Variants in TOX3 observed in about 807,000 individuals in gnomAD.
TOX3 encodes the protein TOX high mobility group box family member 3.
In TOX3, 22 loss-of-function variants were observed where a neutral mutation model predicts 64.3. That is an observed-to-expected ratio of 0.34 (90% confidence interval 0.24 to 0.49). The LOEUF is 0.49. Ranked by LOEUF, TOX3 falls within the 20% of genes least tolerant of loss-of-function variation. The probability of loss-of-function intolerance (pLI) is 0.99; values close to 1 mark genes in which losing one functional copy is unlikely to be tolerated. For missense variants in TOX3, 661 were observed against 714.4 expected, an observed-to-expected ratio of 0.93 and a Z score of 0.85; for synonymous variants, 291 against 273.6, an observed-to-expected ratio of 1.06 and a Z score of -0.63.
intron 1 of TOX3, among the ~76,000 whole-genome samples, chr16:52,477,840 T>G (rs1961258264): frequency 6.6e-6 from 1 of 152,098 alleles, no homozygotes; most frequent in Admixed American, 6.5e-5. Flanking sequence ...TTTTCAGAAA[T>G]GTTTAATTTT....
At chr16:52,517,636 G>C (rs1962493186) in intron 1 of TOX3, among the ~76,000 whole-genome samples, 1 of 152,030 alleles carries the variant, frequency 6.6e-6, no homozygotes, top group South Asian at 2.1e-4. Flanking sequence ...CCTACACATT[G>C]AGTATTAAAA....
chr16:52,517,736 A>C (rs1221478093), intron 1 of TOX3, among the ~76,000 whole-genome samples: 4 of 152,060 alleles, frequency 2.6e-5, no homozygotes, highest in Non-Finnish European at 4.4e-5. Flanking sequence ...CACCAAGGTC[A>C]CTCTGAAAGT....
chr16:52,489,720 C>T (rs1961624183), intron 1 of TOX3, among the ~76,000 whole-genome samples: 1 of 152,114 alleles, frequency 6.6e-6, no homozygotes, highest in Non-Finnish European at 1.5e-5. Context: ...TGACTTACTA[C>T]CAACTTATAT....
chr16:52,487,729 T>C (rs1961569886), intron 1 of TOX3, among the ~76,000 whole-genome samples: 1 of 152,152 alleles, frequency 6.6e-6, no homozygotes, highest in African/African-American at 2.4e-5. Context: ...GCAGTTAAAG[T>C]TAATACATGA....
intron 1 of TOX3, among the ~76,000 whole-genome samples, chr16:52,511,309 T>C (rs1962302511): frequency 6.6e-6 from 1 of 152,080 alleles, no homozygotes; most frequent in Non-Finnish European, 1.5e-5. Flanking sequence ...CTGGCCAACA[T>C]GGTGAAACCC....
chr16:52,535,122 A>G (rs951859582), intron 1 of TOX3, among the ~76,000 whole-genome samples: 1 of 152,206 alleles, frequency 6.6e-6, no homozygotes, highest in Non-Finnish European at 1.5e-5. Flanking sequence ...AAACAAGAAC[A>G]CTACAGAGTA....
chr16:52,535,418 C>A (rs28750243), intron 1 of TOX3, among the ~76,000 whole-genome samples: 2,139 of 152,306 alleles, frequency 0.014, 68 homozygotes, highest in African/African-American at 0.049. Context: ...CCCCTTCAAT[C>A]CCCTTCGTCC....
Position 52,450,376 on chromosome 16 carries a change from G to A in TOX3, c.579C>T (p.Ala193=), listed in dbSNP as rs1282769540. The A allele has an allele frequency of 1.2e-6, 2 of 1,613,864 alleles. No individual in the cohort carries two copies. Among genetic ancestry groups the A allele is most frequent in the Non-Finnish European group, 1.7e-6 (2 of 1,179,898 alleles). The change falls in exon 4 of 7, where the codon GCC becomes GCT. Residue 193 remains alanine, a synonymous_variant. Transcript: ENST00000219746. ...SAQLGLNLGG[A]SMPHTSPSPP... Reference sequence around the variant, plus strand: ...GTGAAGGAGATGTGTGAGGCATACTGGCACCTCCCAAATTCAACCCCAACT... The same window carrying A: ...GTGAAGGAGATGTGTGAGGCATACTAGCACCTCCCAAATTCAACCCCAACT...
At chr16:52,528,882 C>T (rs941620209) in intron 1 of TOX3, among the ~76,000 whole-genome samples, 5 of 152,152 alleles carry the variant, frequency 3.3e-5, no homozygotes, top group Admixed American at 6.5e-5. Flanking sequence ...CACTAGGCAC[C>T]GGGCAGGCTT....
At chr16:52,463,640 T>C (rs1347172766) in intron 3 of TOX3, among the ~76,000 whole-genome samples, 1 of 152,244 alleles carries the variant, frequency 6.6e-6, no homozygotes, top group East Asian at 1.9e-4. Flanking sequence ...ACCTTTGTGT[T>C]AAGCCAACAG....
intron 4 of TOX3, among the ~76,000 whole-genome samples, chr16:52,448,093 G>A (rs540452354): frequency 1.3e-4 from 20 of 152,134 alleles, no homozygotes; most frequent in Middle Eastern, 6.8e-3. Context: ...CAAGAAATGT[G>A]GAGTCTCACA....
chr16:52,444,303 C>A lies in TOX3; in HGVS notation c.960G>T (p.Ala320=). ...TAGAAACGAGGCTGGCCCTGTATGCCGCCAGGGCCTTCAGGTATTCTTTTT... is the reference window on the plus strand; with the variant it reads ...TAGAAACGAGGCTGGCCCTGTATGCAGCCAGGGCCTTCAGGTATTCTTTTT... The part of the protein sequence containing the change: ...AAKKEYLKAL[A]AYRASLVSKA... The change falls in exon 6 of 7, where the codon GCG becomes GCT. Residue 320 remains alanine, a synonymous_variant. Coordinates refer to ENST00000219746, the MANE Select transcript of TOX3 (RefSeq NM_001080430.4). 4 of 1,586,812 alleles carry A rather than the reference C, an allele frequency of 2.5e-6. No homozygotes were observed. Among genetic ancestry groups the A allele is most frequent in the Non-Finnish European group, 3.4e-6 (4 of 1,164,730 alleles).
chr16:52,482,255 T>G (rs1015119001), intron 1 of TOX3, among the ~76,000 whole-genome samples: 5 of 152,176 alleles, frequency 3.3e-5, no homozygotes, highest in Non-Finnish European at 7.4e-5. Context: ...TCCTAAATAA[T>G]GGAGGCATTT....
At chr16:52,513,786 C>G (rs1191511585) in intron 1 of TOX3, among the ~76,000 whole-genome samples, 5 of 152,090 alleles carry the variant, frequency 3.3e-5, no homozygotes, top group Non-Finnish European at 5.9e-5. Flanking sequence ...ATAAAAATAC[C>G]TAGTGATTGT....
chr16:52,514,109 T>C (rs1392073989), intron 1 of TOX3, among the ~76,000 whole-genome samples: 1 of 152,238 alleles, frequency 6.6e-6, no homozygotes, highest in Non-Finnish European at 1.5e-5. Context: ...ACGTTTTATA[T>C]GCATTAGGCC....
At chr16:52,538,614 ATG>A (rs1963011337) in intron 1 of TOX3, among the ~76,000 whole-genome samples, 1 of 152,338 alleles carries the variant, frequency 6.6e-6, no homozygotes, top group Admixed American at 6.5e-5. Context: ...CCCCAAAAGA[ATG>A]AGTATATATC....
chr16:52,537,878 TAAAAAAAA>T (rs57403617), intron 1 of TOX3, among the ~76,000 whole-genome samples: 1 of 111,038 alleles, frequency 9.0e-6, no homozygotes, highest in African/African-American at 3.3e-5. Context: ...GCTGATATGA[TAAAAAAAA>T]AAAAAAAAAA....
intron 1 of TOX3, among the ~76,000 whole-genome samples, chr16:52,524,908 C>T (rs1017762558): frequency 9.2e-5 from 14 of 151,662 alleles, no homozygotes; most frequent in African/African-American, 2.9e-4. Flanking sequence ...CCCCAGTGTT[C>T]TTCTTCTGTG....
intron 6 of TOX3, among the ~76,000 whole-genome samples, chr16:52,442,858 T>A (rs563845083): frequency 6.6e-6 from 1 of 152,340 alleles, no homozygotes; most frequent in East Asian, 1.9e-4. Flanking sequence ...TTGATTTTTT[T>A]TCTCTTTTTT....
Sources: allele counts gnomAD v4.1 joint callset (sites outside exome capture counted in the v4.1 genomes callset), GRCh38; gene constraint gnomAD v4.1.1; transcripts MANE v1.5; gene names NCBI Gene and HGNC (gene_info 2026-07-23, HGNC 2026-07-21).